The following ZNF618 variants were observed in gnomAD, a reference collection of about 807,000 sequenced individuals.
The protein encoded by ZNF618 is zinc finger protein 618, also known as neural precursor cell expressed, developmentally down-regulated 10.
A neutral mutation model predicts 103.0 loss-of-function variants in ZNF618; 34 were observed. The ratio of observed to expected loss-of-function variants is 0.33; its 90% CI spans 0.25 to 0.44. The LOEUF (loss-of-function observed/expected upper bound fraction) is 0.44. Ranked by LOEUF, ZNF618 falls within the 20% of genes least tolerant of loss-of-function variation. The pLI is 1.00. For missense variants in ZNF618, 1,059 were observed against 1,295.4 expected, an observed-to-expected ratio of 0.82 and a Z score of 2.80; for synonymous variants, 551 against 542.2, an observed-to-expected ratio of 1.02 and a Z score of -0.23.
intron 12 of ZNF618, among the ~76,000 whole-genome samples, chr9:114,036,043 G>A (rs541988133): frequency 7.8e-4 from 119 of 152,294 alleles, no homozygotes; most frequent in Non-Finnish European, 1.4e-3. Flanking sequence ...TGGCTGGCAC[G>A]CAGTAAGCAC....
intron 1 of ZNF618, among the ~76,000 whole-genome samples, chr9:113,932,556 G>A (rs908609400): frequency 2.6e-5 from 4 of 152,196 alleles, no homozygotes; most frequent in Non-Finnish European, 5.9e-5. Context: ...GTTTGGAAGA[G>A]AGGACAGTAG....
intron 1 of ZNF618, among the ~76,000 whole-genome samples, chr9:113,879,966 A>T (rs1828360401): frequency 6.6e-6 from 1 of 152,140 alleles, no homozygotes; most frequent in Admixed American, 6.5e-5. Context: ...GGTCAGTATA[A>T]GGCTGACCTC....
At chr9:113,964,720 G>C (rs923511529) in intron 1 of ZNF618, among the ~76,000 whole-genome samples, 5 of 132,712 alleles carry the variant, frequency 3.8e-5, no homozygotes, top group African/African-American at 1.4e-4. Context: ...AGGAAAAAAA[G>C]AAAAGAGCAA....
intron 1 of ZNF618, among the ~76,000 whole-genome samples, chr9:113,932,217 T>C (rs953568446): frequency 6.6e-6 from 1 of 152,170 alleles, no homozygotes; most frequent in South Asian, 2.1e-4. Flanking sequence ...GAGGCGTGCA[T>C]GAAATGAGGA....
chr9:114,039,225 G>A (rs1250163594), intron 13 of ZNF618, among the ~76,000 whole-genome samples: 1 of 152,176 alleles, frequency 6.6e-6, no homozygotes, highest in Non-Finnish European at 1.5e-5. Context: ...GTACAGCCAG[G>A]AGGACCGCAG....
At chr9:113,961,960 G>C (rs1272677300) in intron 1 of ZNF618, among the ~76,000 whole-genome samples, 1 of 152,188 alleles carries the variant, frequency 6.6e-6, no homozygotes, top group Non-Finnish European at 1.5e-5. Flanking sequence ...AATGGCTGTG[G>C]ACTTGGGGTG....
At chr9:113,891,658 C>T (rs1829626947) in intron 1 of ZNF618, among the ~76,000 whole-genome samples, 1 of 152,098 alleles carries the variant, frequency 6.6e-6, no homozygotes, top group South Asian at 2.1e-4. Flanking sequence ...GTTTTTCCAC[C>T]CATGTTTATT....
rs547215978 is a variant in ZNF618 at position 114,032,464 on chromosome 9, C to A, written c.1085-181C>A. ...GCCCTGCCAGGAGGGTCTCTTGGGG[C>A]CCTGCCAAGGGACTAGGCCACTCAG... On this transcript the variant is annotated intron_variant, in intron 11 of 14. Transcript: ENST00000374126. 2.0e-5 allele frequency among the ~76,000 whole-genome samples: 3 copies of A among 152,116 alleles called. No individual in the cohort carries two copies. In the South Asian group the frequency reaches 6.2e-4, roughly 32 times the overall value.
chr9:113,967,758 G>A (rs1479165614), intron 1 of ZNF618, among the ~76,000 whole-genome samples: 1 of 142,834 alleles, frequency 7.0e-6, no homozygotes, highest in Non-Finnish European at 1.5e-5. Flanking sequence ...TCCCTGGGGA[G>A]CAAGTGTGGA....
In ZNF618 at chr9:113,972,824, T is replaced by C. The variant is rs536828667; in HGVS notation, c.77+3664T>C. ...GCTCACCCCTGTAACCCCAGTACTT[T>C]GGGAGGCCGAGGCGGGCGGATCACT... On this transcript the variant is annotated intron_variant, in intron 2 of 14. Transcript: ENST00000374126. 7.2e-5 allele frequency among the ~76,000 whole-genome samples: 11 copies of C among 152,258 alleles called. No individual in the cohort carries two copies. The South Asian group carries it at 2.3e-3, about 32-fold the overall frequency.
intron 13 of ZNF618, 114 bp from the exon 14 acceptor site, chr9:114,047,779 C>A: frequency 1.2e-6 from 1 of 809,100 alleles, no homozygotes; most frequent in Non-Finnish European, 2.0e-6. Flanking sequence ...TTAACCCAGG[C>A]CTGAGTCCCA....
At chr9:113,900,301 A>G (rs1362926836) in intron 1 of ZNF618, among the ~76,000 whole-genome samples, 8 of 152,114 alleles carry the variant, frequency 5.3e-5, no homozygotes, top group Non-Finnish European at 1.2e-4. Flanking sequence ...ACTTCAAGTG[A>G]TCTGCCCACC....
chr9:113,953,343 C>G (rs1835945648), intron 1 of ZNF618, among the ~76,000 whole-genome samples: 1 of 152,174 alleles, frequency 6.6e-6, no homozygotes, highest in African/African-American at 2.4e-5. Flanking sequence ...TCACCTCATC[C>G]TAATACCTGC....
intron 10 of ZNF618, among the ~76,000 whole-genome samples, chr9:114,019,875 A>G (rs57659453): frequency 0.014 from 2,085 of 152,038 alleles, 41 homozygotes; most frequent in East Asian, 0.044. Flanking sequence ...ATTTTTTTCT[A>G]TTGTTAGTGC....
intron 2 of ZNF618, among the ~76,000 whole-genome samples, chr9:113,982,317 A>G (rs1429007083): frequency 6.6e-6 from 1 of 152,110 alleles, no homozygotes; most frequent in Non-Finnish European, 1.5e-5. Context: ...TGAAAGCCCC[A>G]GGGGAAATCT....
chr9:113,876,953 G>A (rs1418065074), intron 1 of ZNF618, among the ~76,000 whole-genome samples: 1 of 148,334 alleles, frequency 6.7e-6, no homozygotes, highest in Non-Finnish European at 1.5e-5. Context: ...CCATTAAAAC[G>A]ACGCCACCTA....
At chr9:113,883,279 G>A (rs375519668) in intron 1 of ZNF618, among the ~76,000 whole-genome samples, 3 of 152,154 alleles carry the variant, frequency 2.0e-5, no homozygotes, top group South Asian at 2.1e-4. Flanking sequence ...TTGGGGAAAT[G>A]CTCCTTTACA....
Position 114,049,714 on chromosome 9 carries a change from G to A in ZNF618, c.2412G>A (p.Val804=). ...ENFKVHPAHK[V]AMILDPQQKL... Reference sequence around the variant, plus strand: ...TCAAGGTGCACCCGGCCCACAAGGTGGCCATGATCCTGGACCCGCAGCAGA... The same window carrying A: ...TCAAGGTGCACCCGGCCCACAAGGTAGCCATGATCCTGGACCCGCAGCAGA... Residue 804 remains valine (V), a synonymous_variant, in exon 15 of 15, where the codon GTG becomes GTA. Coordinates refer to ENST00000374126, the MANE Select transcript of ZNF618 (RefSeq NM_001318042.2). 2 of 1,613,858 alleles carry A rather than the reference G, an allele frequency of 1.2e-6. No homozygotes were observed. Among genetic ancestry groups the A allele is most frequent in the Non-Finnish European group, 1.7e-6 (2 of 1,179,900 alleles).
chr9:113,936,609 G>A (rs746016665), intron 1 of ZNF618, among the ~76,000 whole-genome samples: 16 of 152,178 alleles, frequency 1.1e-4, no homozygotes, highest in South Asian at 2.1e-4. Context: ...TCTGAAGCTC[G>A]TCTGTGTACT....
Sources: gnomAD v4.1 joint callset for allele counts (sites outside exome capture counted in the v4.1 genomes callset) on GRCh38, gnomAD v4.1.1 for gene constraint, MANE v1.5 for transcripts, NCBI Gene and HGNC (gene_info 2026-07-23, HGNC 2026-07-21) for gene names.